The following CAND2 variants were observed in gnomAD, a reference collection of about 807,000 sequenced individuals.
CAND2 encodes the protein cullin associated and neddylation dissociated 2 (putative).
A neutral mutation model predicts 98.9 loss-of-function variants in CAND2; 62 were observed. The observed-to-expected ratio is 0.63, with a 90% CI of 0.51 to 0.77. The LOEUF is 0.77. CAND2 is among the 30% of genes least tolerant of loss of function. The pLI, the probability that CAND2 is intolerant of heterozygous loss-of-function variation, is 0.00. For synonymous variants in CAND2, 770 were observed against 731.9 expected, an observed-to-expected ratio of 1.05 and a Z score of -0.84; for missense variants, 1,501 against 1,655.2, an observed-to-expected ratio of 0.91 and a Z score of 1.62.
At chr3:12,819,841 C>T (rs2061941848) in intron 10 of CAND2, among the ~76,000 whole-genome samples, 1 of 152,134 alleles carries the variant, frequency 6.6e-6, no homozygotes, top group African/African-American at 2.4e-5. Flanking sequence ...GTTATTGGTT[C>T]CCTGTTTGCA....
chr3:12,830,104 G>C (rs745590548), intron 13 of CAND2, among the ~76,000 whole-genome samples: 1 of 152,098 alleles, frequency 6.6e-6, no homozygotes, highest in Non-Finnish European at 1.5e-5. Flanking sequence ...CTCCAGACTT[G>C]GAGTTCCTGG....
At chr3:12,811,473 C>T (rs925436307) in intron 5 of CAND2, among the ~76,000 whole-genome samples, 3 of 152,232 alleles carry the variant, frequency 2.0e-5, no homozygotes, top group African/African-American at 7.2e-5. Context: ...TATCCAAGGA[C>T]TTAAACCTAG....
intron 11 of CAND2, among the ~76,000 whole-genome samples, chr3:12,824,218 C>T (rs1374316648): frequency 1.3e-5 from 2 of 152,168 alleles, no homozygotes; most frequent in East Asian, 3.8e-4. Context: ...CACATGTACC[C>T]TAGAACTTAA....
At chr3:12,811,938 G>C (rs969776523) in intron 5 of CAND2, among the ~76,000 whole-genome samples, 1 of 149,832 alleles carries the variant, frequency 6.7e-6, no homozygotes, top group Non-Finnish European at 1.5e-5. Context: ...TGAGTCTCGT[G>C]TCTTGCTCTG....
At chr3:12,811,387 G>A (rs2061850620) in intron 5 of CAND2, among the ~76,000 whole-genome samples, 1 of 152,120 alleles carries the variant, frequency 6.6e-6, no homozygotes, top group Non-Finnish European at 1.5e-5. Flanking sequence ...CTTGAGTGGA[G>A]TGCTCTAAAG....
chr3:12,796,862 C>G (rs2061729591), intron 1 of CAND2, 74 bp downstream of exon 1: 1 of 1,216,410 alleles, frequency 8.2e-7, no homozygotes, highest in Non-Finnish European at 1.2e-6. Context: ...CTCGAAGCGC[C>G]AGCCCATCCC....
Position 12,809,931 on chromosome 3 carries a change from C to T in CAND2, c.492-128C>T, listed in dbSNP as rs973626754. 1.4e-5 allele frequency: 15 copies of T among 1,060,136 alleles called. No homozygotes were observed. The South Asian group carries it at 2.9e-4, about 21-fold the overall frequency. 65.7% of individuals were successfully genotyped at this position (1,060,136 alleles called of 1,614,324 possible). A position where few individuals can be genotyped will look rare whatever the true frequency, so the allele number is the denominator to read the frequency against. ...TCCTCCTCACAGTTGCAGGGCACCT[C>T]TTTTGCAAGGGCCATTGAGTTGCCA... On this transcript the variant is annotated intron_variant, in intron 4 of 14. Transcript: ENST00000456430.
In CAND2 at chr3:12,817,443, G is replaced by A. The variant is rs375023179; in HGVS notation, c.2511G>A (p.Thr837=). The change falls in exon 10 of 15, where the codon ACG becomes ACA. Residue 837 remains threonine, a synonymous_variant. Coordinates refer to ENST00000456430, the MANE Select transcript of CAND2 (RefSeq NM_001162499.2). ...ATGCCAGGTCGCCCCACTCCAGCAC[G>A]GGGGTCAAGGTCCTGGCATTCTTGT... ...VCDARSPHSS[T]GVKVLAFLSL... is the part of the protein sequence containing the mutation. 4.5e-5 allele frequency: 72 copies of A among 1,613,514 alleles called. No individual in the cohort carries two copies. In the African/African-American group the frequency reaches 8.3e-4, roughly 19 times the overall value.
chr3:12,823,588 G>A (rs1459097183), intron 11 of CAND2, among the ~76,000 whole-genome samples: 1 of 152,158 alleles, frequency 6.6e-6, no homozygotes, highest in East Asian at 1.9e-4. Flanking sequence ...AATTAGCCGG[G>A]CATGCTGGCG....
chr3:12,825,816 C>T (rs1014508863), intron 12 of CAND2, among the ~76,000 whole-genome samples, 177 bp downstream of exon 12: 1 of 152,226 alleles, frequency 6.6e-6, no homozygotes, highest in Non-Finnish European at 1.5e-5. Flanking sequence ...CCTCTCTGAG[C>T]CTCAGTTTCT....
intron 2 of CAND2, among the ~76,000 whole-genome samples, chr3:12,804,344 T>C (rs991033836): frequency 2.6e-5 from 4 of 151,652 alleles, no homozygotes; most frequent in Non-Finnish European, 5.9e-5. Context: ...GTGCCTGTAA[T>C]CACAGCTACT....
At position 12,817,001 on chromosome 3, in the gene CAND2, C is replaced by T. The variant is rs759076365; in HGVS notation, c.2069C>T (p.Ser690Phe). 4 of 1,613,006 alleles carry T rather than the reference C, an allele frequency of 2.5e-6. No homozygotes were observed. In the South Asian group the frequency reaches 3.3e-5, roughly 13 times the overall value. ...AQSQGLSLPP[S>F]AVQAVLAELP... The stretch of plus-strand genomic sequence containing the variant: ...AGCCAGGGCCTCAGCCTCCCACCGT[C>T]TGCCGTGCAGGCCGTGCTGGCTGAG... The change falls in exon 10 of 15, where the codon TCT (serine) becomes TTT (phenylalanine). Residue 690 changes from serine (S) to phenylalanine (F), a missense_variant. By Grantham distance (155) the Ser-to-Phe change is radical (BLOSUM62 -2). Coordinates refer to ENST00000456430, the MANE Select transcript of CAND2 (RefSeq NM_001162499.2).
chr3:12,820,708 T>G (rs1240215639), intron 11 of CAND2, among the ~76,000 whole-genome samples: 3 of 152,188 alleles, frequency 2.0e-5, no homozygotes, highest in African/African-American at 7.2e-5. Context: ...GAGACCTCCC[T>G]CTGGGGCTCG....
At chr3:12,831,355 TG>T in intron 13 of CAND2, 109 bp from the exon 14 acceptor site, 1 of 816,506 alleles carries the variant, frequency 1.2e-6, no homozygotes, top group Non-Finnish European at 2.1e-6. Context: ...CACGGTGGTC[TG>T]AACTTGGGCT....
chr3:12,811,717 G>A (rs141686842), intron 5 of CAND2, among the ~76,000 whole-genome samples: 4 of 152,048 alleles, frequency 2.6e-5, no homozygotes, highest in East Asian at 1.9e-4. Context: ...CACTACAGGC[G>A]CACGCTACCA....
chr3:12,812,207 C>T (rs1253709696), intron 5 of CAND2, among the ~76,000 whole-genome samples: 1 of 118,466 alleles, frequency 8.4e-6, no homozygotes, highest in African/African-American at 3.2e-5. Context: ...CCATGCCCGG[C>T]CTAAGCTGTT....
chr3:12,797,960 G>C (rs2061738378), intron 1 of CAND2, among the ~76,000 whole-genome samples: 2 of 151,916 alleles, frequency 1.3e-5, no homozygotes, highest in Non-Finnish European at 2.9e-5. Flanking sequence ...CACATTAATA[G>C]AGCCTGGGAT....
intron 1 of CAND2, among the ~76,000 whole-genome samples, chr3:12,801,750 G>A (rs1189717119): frequency 6.6e-6 from 1 of 152,206 alleles, no homozygotes; most frequent in South Asian, 2.1e-4. Flanking sequence ...GGTTTTCAAA[G>A]TGTGGTCCCT....
At chr3:12,811,039 G>A (rs947807975) in intron 5 of CAND2, among the ~76,000 whole-genome samples, 2 of 151,834 alleles carry the variant, frequency 1.3e-5, no homozygotes, top group African/African-American at 4.8e-5. Context: ...TACCAAGACA[G>A]TTTGGATAGA....
Sources: gnomAD v4.1 joint callset for allele counts (sites outside exome capture counted in the v4.1 genomes callset) on GRCh38, gnomAD v4.1.1 for gene constraint, MANE v1.5 for transcripts, NCBI Gene and HGNC (gene_info 2026-07-23, HGNC 2026-07-21) for gene names.